The following USP14 variants were observed in gnomAD, a reference collection of about 807,000 sequenced individuals.
USP14 encodes the protein ubiquitin carboxyl-terminal hydrolase 14.
A neutral mutation model predicts 76.5 loss-of-function variants in USP14; 38 were observed. The observed-to-expected ratio is 0.50, with a 90% CI of 0.38 to 0.65. USP14 has a LOEUF of 0.65. Ranked by LOEUF, USP14 falls within the 30% of genes least tolerant of loss-of-function variation. USP14 has a pLI of 0.00. For missense variants in USP14, 467 were observed against 586.5 expected, an observed-to-expected ratio of 0.80 and a Z score of 2.10; for synonymous variants, 192 against 191.7, an observed-to-expected ratio of 1.00 and a Z score of -0.01.
rs998132990 is a variant in USP14 at position 210,220 on chromosome 18, A to C, written c.1226-166A>C. ...ATACAGTTCTATGAGTAAGTTACTT[A>C]TTAAAACATCAATCATGAAGCCTTA... On this transcript the variant is annotated intron_variant, in intron 14 of 15. Transcript: ENST00000261601. 1.9e-5 allele frequency: 13 copies of C among 684,932 alleles called. 1 individual carries two copies. Among genetic ancestry groups the C allele is most frequent in the Middle Eastern group, 6.7e-4 (2 of 2,976 alleles). The allele number at this position is 684,932 out of a possible 1,614,324, so 42.4% of individuals were successfully genotyped here.
chr18:169,360 C>CAAAAAAA (rs11336218), intron 3 of USP14, among the ~76,000 whole-genome samples: 2 of 79,350 alleles, frequency 2.5e-5, no homozygotes, highest in African/African-American at 9.7e-5. Context: ...GACTCTACCT[C>CAAAAAAA]AAAAAAAAAA....
rs549000890 is a variant in USP14, at chr18:173,314, T to C, written c.196-5619T>C. Reference sequence around the variant, plus strand: ...TTTTAGTAGAGACGGGGTTTCACCATGTTAGCCAGGATGGTCTCTATCTCC... The same window carrying C: ...TTTTAGTAGAGACGGGGTTTCACCACGTTAGCCAGGATGGTCTCTATCTCC... On this transcript the variant is annotated intron_variant, in intron 3 of 15. Transcript: ENST00000261601. Among the ~76,000 whole-genome samples the C allele has an allele frequency of 2.6e-4, 39 of 151,958 alleles. No individual in the cohort carries two copies. In the Middle Eastern group the frequency reaches 0.017, roughly 66 times the overall value.
At chr18:173,957 T>C (rs927921473) in intron 3 of USP14, among the ~76,000 whole-genome samples, 5 of 152,230 alleles carry the variant, frequency 3.3e-5, no homozygotes, top group Non-Finnish European at 7.3e-5. Flanking sequence ...CCCTGCTGTT[T>C]TGATTCTTCA....
intron 2 of USP14, among the ~76,000 whole-genome samples, chr18:166,032 CA>C (rs1279120877): frequency 3.3e-5 from 5 of 152,026 alleles, no homozygotes; most frequent in African/African-American, 1.2e-4. Context: ...TTTTATTCAA[CA>C]TATTGAAAGG....
intron 6 of USP14, among the ~76,000 whole-genome samples, chr18:193,288 T>C (rs1910141943): frequency 6.6e-6 from 1 of 152,156 alleles, no homozygotes; most frequent in Admixed American, 6.5e-5. Flanking sequence ...GAAATAGTAA[T>C]CTTAAAGGAT....
At chr18:177,616 A>G (rs1417866980) in intron 3 of USP14, among the ~76,000 whole-genome samples, 1 of 145,532 alleles carries the variant, frequency 6.9e-6, no homozygotes, top group African/African-American at 2.5e-5. Flanking sequence ...TCTTCTGGCT[A>G]TCATTTTTCC....
intron 3 of USP14, among the ~76,000 whole-genome samples, chr18:169,372 A>G (rs1909376641): frequency 6.6e-6 from 1 of 151,280 alleles, no homozygotes; most frequent in Non-Finnish European, 1.5e-5. Context: ...AAAAAAAAAA[A>G]AAAAAAAAAA....
At chr18:183,661 T>C (rs961133854) in intron 5 of USP14, among the ~76,000 whole-genome samples, 9 of 152,102 alleles carry the variant, frequency 5.9e-5, no homozygotes, top group Non-Finnish European at 8.8e-5. Context: ...TGACCTTCTG[T>C]TCTTTTTTAT....
In USP14 at chr18:199,274, T is replaced by C; in HGVS notation, c.834T>C (p.Phe278=). 6.2e-7 allele frequency: 1 copy of C among 1,613,966 alleles called. No homozygotes were observed. Among genetic ancestry groups the C allele is most frequent in the Non-Finnish European group, 8.5e-7 (1 of 1,179,882 alleles). The change falls in exon 10 of 16, where the codon TTT becomes TTC. Residue 278 remains phenylalanine (F), a synonymous_variant. Coordinates refer to ENST00000261601, the MANE Select transcript of USP14 (RefSeq NM_005151.4). ...GKENQLQLSC[F]INQEVKYLFT... is the part of the protein sequence containing the mutation. ...AAAATCAACTTCAGCTTAGCTGTTT[T>C]ATCAATCAGGAAGTCAAGTATCTTT...
intron 6 of USP14, among the ~76,000 whole-genome samples, chr18:194,143 T>C (rs549004539): frequency 5.1e-4 from 77 of 152,236 alleles, no homozygotes; most frequent in Non-Finnish European, 6.5e-4. Flanking sequence ...TGAAGTGTTA[T>C]CTCATTGTTG....
intron 13 of USP14, among the ~76,000 whole-genome samples, chr18:208,870 C>T (rs1194877277): frequency 2.0e-5 from 3 of 152,128 alleles, no homozygotes; most frequent in Admixed American, 6.5e-5. Context: ...CTCAGCGTCC[C>T]GAGTAGCTGG....
chr18:180,174 C>A (rs1373429234), intron 4 of USP14, 62 bp from the exon 5 acceptor site: 7 of 850,596 alleles, frequency 8.2e-6, no homozygotes, highest in South Asian at 1.9e-5. Flanking sequence ...TTTATATATG[C>A]CATGTCATTT....
chr18:199,083 G>A (rs924789322), intron 9 of USP14, 119 bp from the exon 10 acceptor site: 2 of 633,058 alleles, frequency 3.2e-6, no homozygotes, highest in South Asian at 4.5e-5. Flanking sequence ...AGACTAAAAG[G>A]TTTTAAATGC....
intron 3 of USP14, among the ~76,000 whole-genome samples, chr18:172,362 A>G (rs1279320030): frequency 3.3e-5 from 5 of 152,146 alleles, no homozygotes; most frequent in Non-Finnish European, 7.3e-5. Flanking sequence ...ATTTCTTGAG[A>G]TAGACTCTAC....
At chr18:189,132 T>A (rs906458982) in intron 5 of USP14, among the ~76,000 whole-genome samples, 1 of 152,124 alleles carries the variant, frequency 6.6e-6, no homozygotes, top group Non-Finnish European at 1.5e-5. Context: ...TTATTTCTTA[T>A]TTGTTATATT....
At position 212,368 on chromosome 18, in the gene USP14, A is replaced by AGGCT. The variant is rs1910692215; in HGVS notation, c.*1086_*1089dup. 1 of 152,300 alleles carries AGGCT rather than the reference A, an allele frequency of 6.6e-6. No individual in the cohort carries two copies. The highest frequency in any genetic ancestry group is 2.4e-5 in the African/African-American group (1 of 41,438). The allele number at this position is 152,300 out of a possible 1,614,324, so 9.4% of individuals were successfully genotyped here. ...ACGCCTGTAATCCCAGCACTTTGGG[A>AGGCT]GGCTGAGGCAGGTGGTTCACTGGAG... On this transcript the variant is annotated 3_prime_UTR_variant, in exon 16 of 16. Coordinates refer to ENST00000261601, the MANE Select transcript of USP14 (RefSeq NM_005151.4).
chr18:213,368 ATTT>A lies in USP14; in HGVS notation c.*2089_*2091del, dbSNP rs577740848. ...CCTTATCATCATTATAAAAAGCTTG[ATTT>A]TTTTATTTGATCTAAAAAAGCATTA... On this transcript the variant is annotated 3_prime_UTR_variant, in exon 16 of 16. Transcript: ENST00000261601. The A allele has an allele frequency of 5.9e-5, 9 of 152,128 alleles. No individual in the cohort carries two copies. Among genetic ancestry groups the A allele is most frequent in the Non-Finnish European group, 1.5e-5 (1 of 68,014 alleles). 9.4% of individuals were successfully genotyped at this position (152,128 alleles called of 1,614,324 possible). A position where few individuals can be genotyped will look rare whatever the true frequency, so the allele number is the denominator to read the frequency against.
chr18:192,127 C>G (rs1210056181), intron 5 of USP14, among the ~76,000 whole-genome samples: 1 of 152,226 alleles, frequency 6.6e-6, no homozygotes, highest in Non-Finnish European at 1.5e-5. Flanking sequence ...TGATACACAG[C>G]AAGCTAATGC....
chr18:210,241 C>G (rs1394360499), intron 14 of USP14, 145 bp from the exon 15 acceptor site: 1 of 705,200 alleles, frequency 1.4e-6, no homozygotes, highest in Non-Finnish European at 2.3e-6. Context: ...AATCATGAAG[C>G]CTTAACTATG....
Sources: gnomAD v4.1 joint callset for allele counts (sites outside exome capture counted in the v4.1 genomes callset) on GRCh38, gnomAD v4.1.1 for gene constraint, MANE v1.5 for transcripts, NCBI Gene and HGNC (gene_info 2026-07-23, HGNC 2026-07-21) for gene names.